Variants in CPA6 observed in about 807,000 individuals in gnomAD.
The protein encoded by CPA6 is carboxypeptidase B.
A neutral mutation model predicts 63.3 loss-of-function variants in CPA6; 58 were observed. The observed-to-expected ratio is 0.92, with a 90% CI of 0.74 to 1.14. The LOEUF (loss-of-function observed/expected upper bound fraction) is 1.14, where lower values mean the gene tolerates loss of function less well. Among genes scored for constraint, CPA6 ranks in the 50% most tolerant of loss-of-function variants. The probability of loss-of-function intolerance (pLI) is 0.00; values close to 1 mark genes in which losing one functional copy is unlikely to be tolerated. For missense variants in CPA6, 565 were observed against 526.6 expected (o/e 1.07, Z -0.71); for synonymous variants, 185 against 179.0 (o/e 1.03, Z -0.27).
chr8:67,746,238 G>A lies in CPA6; in HGVS notation c.-109C>T, dbSNP rs1347795768. On this transcript the variant is annotated 5_prime_UTR_variant, in exon 1 of 11. Coordinates refer to ENST00000297770, the MANE Select transcript of CPA6 (RefSeq NM_020361.5). The stretch of plus-strand genomic sequence containing the variant: ...CAGGTTCTCCGGGAAGGGGGTGGGC[G>A]AGGAAGGTTGAGAGTGAGCAAAATG... 12 of 673,358 alleles carry A rather than the reference G, an allele frequency of 1.8e-5. No individual in the cohort carries two copies. Among genetic ancestry groups the A allele is most frequent in the East Asian group, 2.8e-5 (1 of 35,096 alleles). The allele number at this position is 673,358 out of a possible 1,614,324, so 41.7% of individuals were successfully genotyped here. A position where few individuals can be genotyped will look rare whatever the true frequency, so the allele number is the denominator to read the frequency against.
At chr8:67,591,266 C>G (rs1814115476) in intron 2 of CPA6, among the ~76,000 whole-genome samples, 1 of 152,014 alleles carries the variant, frequency 6.6e-6, no homozygotes, top group South Asian at 2.1e-4. Context: ...GGTACCAGTA[C>G]CATGCTGTTT....
At chr8:67,713,095 G>GTA (rs755642095) in intron 1 of CPA6, among the ~76,000 whole-genome samples, 2,269 of 85,730 alleles carry the variant, frequency 0.026, 69 homozygotes, top group Non-Finnish European at 0.035. Context: ...GTGTGTGTGT[G>GTA]TGTGTATATA....
intron 1 of CPA6, among the ~76,000 whole-genome samples, chr8:67,697,916 A>G (rs543105571): frequency 6.6e-6 from 1 of 152,346 alleles, no homozygotes; most frequent in East Asian, 1.9e-4. Flanking sequence ...GCACACAAAA[A>G]TCTTGCATTA....
chr8:67,593,611 G>A (rs2128981538), intron 2 of CPA6, among the ~76,000 whole-genome samples: 1 of 152,338 alleles, frequency 6.6e-6, no homozygotes, highest in Admixed American at 6.5e-5. Context: ...AGCTCTTCTT[G>A]TGGAATTGAT....
chr8:67,625,826 T>C (rs1377188406), intron 1 of CPA6, among the ~76,000 whole-genome samples: 1 of 152,194 alleles, frequency 6.6e-6, no homozygotes, highest in Admixed American at 6.5e-5. Context: ...GGAATAAGAA[T>C]GGAATTTGCA....
chr8:67,457,590 G>A (rs893329188), intron 8 of CPA6, among the ~76,000 whole-genome samples: 2 of 151,976 alleles, frequency 1.3e-5, no homozygotes, highest in Non-Finnish European at 2.9e-5. Context: ...CACCTGGATA[G>A]CACCGTGGCC....
At position 67,609,452 on chromosome 8, in the gene CPA6, TTAAA is replaced by T. The variant is rs1487884579; in HGVS notation, c.192+14720_192+14723del. On this transcript the variant is annotated intron_variant, in intron 2 of 10. Coordinates refer to ENST00000297770, the MANE Select transcript of CPA6 (RefSeq NM_020361.5). ...ATATAGATCTTATTTGTACAAGTTATTAAATAATAAATTATGCTAAGCAATATCC... is the reference window on the plus strand; with the variant it reads ...ATATAGATCTTATTTGTACAAGTTATTAATAAATTATGCTAAGCAATATCC... 2.6e-5 allele frequency among the ~76,000 whole-genome samples: 4 copies of T among 152,344 alleles called. No homozygotes were observed. In the East Asian group the frequency reaches 7.7e-4, roughly 29 times the overall value.
chr8:67,711,686 T>TAC (rs5892094), intron 1 of CPA6, among the ~76,000 whole-genome samples: 34,076 of 133,816 alleles, frequency 0.25, 3,926 homozygotes, highest in Non-Finnish European at 0.28. Flanking sequence ...TATGCCTGTG[T>TAC]ACACACACAC....
chr8:67,581,683 G>C (rs1044676395), intron 2 of CPA6, among the ~76,000 whole-genome samples: 2 of 152,202 alleles, frequency 1.3e-5, no homozygotes, highest in Non-Finnish European at 2.9e-5. Flanking sequence ...GGTGATAAAA[G>C]GGTATTGGAC....
At chr8:67,642,151 G>A (rs1470737458) in intron 1 of CPA6, among the ~76,000 whole-genome samples, 1 of 152,054 alleles carries the variant, frequency 6.6e-6, no homozygotes, top group Non-Finnish European at 1.5e-5. Flanking sequence ...AACACCAACT[G>A]TACTAAAAAT....
At chr8:67,498,102 A>G (rs561981081) in intron 6 of CPA6, among the ~76,000 whole-genome samples, 1 of 152,212 alleles carries the variant, frequency 6.6e-6, no homozygotes, top group East Asian at 1.9e-4. Context: ...TCTTCTGTAG[A>G]TATCTGTTCA....
At chr8:67,552,288 A>G (rs1812955982) in intron 2 of CPA6, among the ~76,000 whole-genome samples, 1 of 152,232 alleles carries the variant, frequency 6.6e-6, no homozygotes, top group South Asian at 2.1e-4. Context: ...TTGGGACACA[A>G]AATGCTATTT....
intron 1 of CPA6, among the ~76,000 whole-genome samples, chr8:67,708,172 T>G (rs1817177787): frequency 1.3e-5 from 2 of 152,176 alleles, no homozygotes; most frequent in South Asian, 4.1e-4. Context: ...TATGTGAGAT[T>G]CCTTACAGAA....
At chr8:67,440,616 G>A (rs1339836528) in intron 8 of CPA6, among the ~76,000 whole-genome samples, 5 of 151,990 alleles carry the variant, frequency 3.3e-5, no homozygotes, top group Non-Finnish European at 7.4e-5. Flanking sequence ...TACATCATTA[G>A]ACAATTTCGT....
At chr8:67,591,236 T>A (rs921983718) in intron 2 of CPA6, among the ~76,000 whole-genome samples, 3 of 152,188 alleles carry the variant, frequency 2.0e-5, no homozygotes, top group African/African-American at 7.2e-5. Context: ...GTGTGTTCCA[T>A]TGATCTATAT....
intron 2 of CPA6, among the ~76,000 whole-genome samples, chr8:67,586,797 CAATT>C (rs1159040247): frequency 2.6e-5 from 4 of 151,938 alleles, no homozygotes; most frequent in Admixed American, 6.6e-5. Context: ...TCAGGAGAGA[CAATT>C]AATGAGAAGT....
chr8:67,683,141 C>G lies in CPA6; in HGVS notation c.117-58890G>C, dbSNP rs536301985. ...GCTGGAGCAATCATAGCGCTGTTTG[C>G]TTATTCCCCCTGTGGGATCACTGTC... is the stretch of plus-strand genomic sequence containing the variant. On this transcript the variant is annotated intron_variant, in intron 1 of 10. Coordinates refer to ENST00000297770, the MANE Select transcript of CPA6 (RefSeq NM_020361.5). 2.5e-3 allele frequency among the ~76,000 whole-genome samples: 377 copies of G among 152,310 alleles called. 4 individuals are homozygous for G. The highest frequency in any genetic ancestry group is 8.8e-3 in the African/African-American group (367 of 41,568).
chr8:67,678,717 G>A (rs775676126), intron 1 of CPA6, among the ~76,000 whole-genome samples: 3 of 152,176 alleles, frequency 2.0e-5, no homozygotes, highest in Non-Finnish European at 2.9e-5. Context: ...GTAACACCTC[G>A]TAGAGCTACC....
chr8:67,685,709 T>C (rs980071059), intron 1 of CPA6, among the ~76,000 whole-genome samples: 14 of 152,242 alleles, frequency 9.2e-5, no homozygotes, highest in Admixed American at 2.0e-4. Context: ...TTCACAGTTG[T>C]CATTCTCATA....
Sources: gnomAD v4.1 joint callset for allele counts (sites outside exome capture counted in the v4.1 genomes callset) on GRCh38, gnomAD v4.1.1 for gene constraint, MANE v1.5 for transcripts, NCBI Gene and HGNC (gene_info 2026-07-23, HGNC 2026-07-21) for gene names.